TOLLIP: variants seen among roughly 807,000 people sequenced by gnomAD.
TOLLIP encodes the protein toll interacting protein.
TOLLIP carries 16 observed loss-of-function variants against 33.5 expected under a neutral mutation model. The observed-to-expected ratio is 0.48, with a 90% CI of 0.32 to 0.72. The LOEUF is 0.72. Ranked by LOEUF, TOLLIP falls within the 30% of genes least tolerant of loss-of-function variation. TOLLIP has a pLI of 0.03. For missense variants in TOLLIP, 325 were observed against 396.6 expected, an observed-to-expected ratio of 0.82 and a Z score of 1.53; for synonymous variants, 176 against 163.7, an observed-to-expected ratio of 1.07 and a Z score of -0.57.
chr11:1,288,621 C>T lies in TOLLIP; in HGVS notation c.519+3G>A. 2.5e-6 allele frequency: 4 copies of T among 1,609,588 alleles called. No individual in the cohort carries two copies. The highest frequency in any genetic ancestry group is 1.3e-5 in the African/African-American group (1 of 75,012). On this transcript the variant is annotated splice_donor_region_variant and intron_variant, in intron 4 of 5. Transcript: ENST00000317204. ...CCCCACCCCGCCCAGGCGTGCAGCT[C>T]ACCGCGTAGGACATGACGAGGTTGA...
At position 1,277,204 on chromosome 11, in the gene TOLLIP, C is replaced by T. The variant is rs150577484; in HGVS notation, c.660G>A (p.Pro220=). 5.4e-4 allele frequency: 857 copies of T among 1,596,476 alleles called. 7 individuals are homozygous for T. The African/African-American group carries it at 7.9e-3, about 15-fold the overall frequency. ...AGCGGGGCTGGGCGTTCACGGCGGC[C>T]GGGGGCAGGGCCACGGGCACCATGC... The part of the protein sequence containing the change: ...SPGMVPVALP[P]AAVNAQPRCS... Residue 220 remains proline, a synonymous_variant, in exon 6 of 6, where the codon CCG becomes CCA. Coordinates refer to ENST00000317204, the MANE Select transcript of TOLLIP (RefSeq NM_019009.4). This position sits in a 1 kb window ranked among gnomAD's most constrained non-coding sequence, Gnocchi z 4.2.
chr11:1,293,808 G>C (rs1201023691), intron 2 of TOLLIP, among the ~76,000 whole-genome samples: 1 of 152,258 alleles, frequency 6.6e-6, no homozygotes, highest in Non-Finnish European at 1.5e-5. Context: ...GCTGAGGACG[G>C]GTGATGGCAC....
rs1863335691 is a variant in TOLLIP, at chr11:1,277,139, G to A, written c.725C>T (p.Pro242Leu). ...EDLKAIQDMF[P>L]NMDQEVIRSV... is the part of the protein sequence containing the mutation. ...GCGGATCACCTCCTGGTCCATGTTG[G>A]GGAACATGTCCTGGATGGCTTTCAG... The change falls in exon 6 of 6, where the codon CCC becomes CTC. Residue 242 changes from proline (P) to leucine (L), a missense_variant. Pro to Leu is a moderately conservative substitution (Grantham distance 98). Coordinates refer to ENST00000317204, the MANE Select transcript of TOLLIP (RefSeq NM_019009.4). The surrounding 1 kb of genome is among the most constrained non-coding windows in gnomAD (Gnocchi z 4.2). 4.3e-6 allele frequency: 7 copies of A among 1,614,038 alleles called. No individual in the cohort carries two copies. In the East Asian group the frequency reaches 1.6e-4, roughly 36 times the overall value.
chr11:1,288,826 C>T lies in TOLLIP; in HGVS notation c.367-50G>A, dbSNP rs1057466659. The stretch of plus-strand genomic sequence containing the variant: ...CCCAGGCATCAGGGAAGGGGCCACC[C>T]TGCCCCTGCAGCCGCACCATCGTGG... On this transcript the variant is annotated intron_variant, in intron 3 of 5. Transcript: ENST00000317204. The T allele has an allele frequency of 5.1e-6, 8 of 1,583,184 alleles. No homozygotes were observed. The African/African-American group carries it at 8.1e-5, about 16-fold the overall frequency.
intron 1 of TOLLIP, among the ~76,000 whole-genome samples, chr11:1,300,409 C>A (rs1322842301): frequency 6.6e-6 from 1 of 152,208 alleles, no homozygotes. Context: ...ACATTCACTT[C>A]TATTTAAAAC....
intron 5 of TOLLIP, among the ~76,000 whole-genome samples, chr11:1,280,451 G>C (rs1272122144): frequency 1.8e-4 from 28 of 152,146 alleles, no homozygotes; most frequent in Admixed American, 1.8e-3. Context: ...AACCAGTGGG[G>C]GTTGTGCCCA....
chr11:1,277,203 C>A lies in TOLLIP; in HGVS notation c.661G>T (p.Ala221Ser), dbSNP rs992126576. Residue 221 changes from alanine (A) to serine (S), a missense_variant, in exon 6 of 6, where the codon GCC (alanine) becomes TCC (serine). By Grantham distance (99) the Ala-to-Ser change is moderately conservative (BLOSUM62 1). Coordinates refer to ENST00000317204, the MANE Select transcript of TOLLIP (RefSeq NM_019009.4). The surrounding 1 kb of genome is among the most constrained non-coding windows in gnomAD (Gnocchi z 4.2). ...CAGCGGGGCTGGGCGTTCACGGCGG[C>A]CGGGGGCAGGGCCACGGGCACCATG... ...PGMVPVALPP[A>S]AVNAQPRCSE... The A allele has an allele frequency of 2.5e-6, 4 of 1,596,908 alleles. No individual in the cohort carries two copies. Among genetic ancestry groups the A allele is most frequent in the Admixed American group, 1.7e-5 (1 of 59,202 alleles).
In TOLLIP at chr11:1,290,748, AGAG is replaced by A. The variant is rs1264236856; in HGVS notation, c.184-342_184-340del. The stretch of plus-strand genomic sequence containing the variant: ...TCCTCAGAAGTGGCTGAGGAGGGAA[AGAG>A]GAGGAGGTCCCGGGACAGAGCTGAG... On this transcript the variant is annotated intron_variant, in intron 2 of 5. Coordinates refer to ENST00000317204, the MANE Select transcript of TOLLIP (RefSeq NM_019009.4). The surrounding 1 kb of genome is among the most constrained non-coding windows in gnomAD (Gnocchi z 4.9). 1.3e-5 allele frequency among the ~76,000 whole-genome samples: 2 copies of A among 152,264 alleles called. No individual in the cohort carries two copies. The highest frequency in any genetic ancestry group is 1.9e-4 in the East Asian group (1 of 5,174).
chr11:1,308,004 T>A (rs1469104256), intron 1 of TOLLIP, among the ~76,000 whole-genome samples: 1 of 152,200 alleles, frequency 6.6e-6, no homozygotes, highest in Non-Finnish European at 1.5e-5. Flanking sequence ...CGTCCAGTAC[T>A]GGGCTGCGCG....
rs1196103359 is a variant in TOLLIP at position 1,290,525 on chromosome 11, A to G, written c.184-116T>C. 4.3e-6 allele frequency: 4 copies of G among 926,226 alleles called. No homozygotes were observed. The Admixed American group carries it at 9.9e-5, about 23-fold the overall frequency. The allele number at this position is 926,226 out of a possible 1,614,324, so 57.4% of individuals were successfully genotyped here. Reference sequence around the variant, plus strand: ...GAGGCCTTTTCCTAACACATAGACTACAGCCACTCAGAGTCGCCTGAACAC... The same window carrying G: ...GAGGCCTTTTCCTAACACATAGACTGCAGCCACTCAGAGTCGCCTGAACAC... On this transcript the variant is annotated intron_variant, in intron 2 of 5. Coordinates refer to ENST00000317204, the MANE Select transcript of TOLLIP (RefSeq NM_019009.4). This position sits in a 1 kb window ranked among gnomAD's most constrained non-coding sequence, Gnocchi z 4.9.
chr11:1,291,491 C>G lies in TOLLIP; in HGVS notation c.184-1082G>C, dbSNP rs570347021. ...AACGGCCAACCTGTCCACACCAACCCCCCTCTGAGAGTACTGCCACCCTGT... is the reference window on the plus strand; with the variant it reads ...AACGGCCAACCTGTCCACACCAACCGCCCTCTGAGAGTACTGCCACCCTGT... On this transcript the variant is annotated intron_variant, in intron 2 of 5. Transcript: ENST00000317204. Among the ~76,000 whole-genome samples, 374 of 151,674 alleles carry G rather than the reference C, an allele frequency of 2.5e-3. 2 individuals carry two copies. Among genetic ancestry groups the G allele is most frequent in the Non-Finnish European group, 4.1e-3 (278 of 67,816 alleles).
intron 2 of TOLLIP, chr11:1,292,268 CAGG>C (rs1863976239): frequency 6.6e-6 from 1 of 152,230 alleles, no homozygotes; most frequent in Admixed American, 6.5e-5. Flanking sequence ...GAGTATGTAG[CAGG>C]AAAGTCTGAG....
In TOLLIP at chr11:1,281,468, C is replaced by T. The variant is rs190190620; in HGVS notation, c.611-4215G>A. Among the ~76,000 whole-genome samples, 335 of 152,320 alleles carry T rather than the reference C, an allele frequency of 2.2e-3. 5 individuals are homozygous for T. Among genetic ancestry groups the T allele is most frequent in the African/African-American group, 7.6e-3 (318 of 41,574 alleles). The stretch of plus-strand genomic sequence containing the variant: ...TCTCCATAGAGGTGGCAGCTGGGCT[C>T]AGACACCACGGGAGGCTCTCGGGGC... On this transcript the variant is annotated intron_variant, in intron 5 of 5. Coordinates refer to ENST00000317204, the MANE Select transcript of TOLLIP (RefSeq NM_019009.4).
rs1159512667 is a variant in TOLLIP, at chr11:1,290,212, G to T, written c.366+15C>A. On this transcript the variant is annotated intron_variant, in intron 3 of 5. Coordinates refer to ENST00000317204, the MANE Select transcript of TOLLIP (RefSeq NM_019009.4). The surrounding 1 kb of genome is among the most constrained non-coding windows in gnomAD (Gnocchi z 4.9). ...CCACGTGCAGCCTCCATAATAGCTG[G>T]CACGTCCCTCTCACCTCATCGAAGA... is the stretch of plus-strand genomic sequence containing the variant. 6.2e-7 allele frequency: 1 copy of T among 1,609,808 alleles called. No homozygotes were observed. The highest frequency in any genetic ancestry group is 1.1e-5 in the South Asian group (1 of 90,992).
chr11:1,295,670 C>T lies in TOLLIP; in HGVS notation c.158G>A (p.Gly53Asp). ...CTGTACCACCGTGATGTTCAGTCGG[C>T]CCACGGTGCCCACTGCGCCTCCGTA... Reference protein sequence around the residue: ...LQYGGAVGTVGRLNITVVQAK... With the variant: ...LQYGGAVGTVDRLNITVVQAK... Residue 53 changes from glycine to aspartate, a missense_variant, in exon 2 of 6, where the codon GGC (glycine) becomes GAC (aspartate). Coordinates refer to ENST00000317204, the MANE Select transcript of TOLLIP (RefSeq NM_019009.4). 1 of 1,598,358 alleles carries T rather than the reference C, an allele frequency of 6.3e-7. No individual in the cohort carries two copies. The highest frequency in any genetic ancestry group is 8.6e-7 in the Non-Finnish European group (1 of 1,169,576).
In TOLLIP at chr11:1,276,730, G is replaced by A; in HGVS notation, c.*309C>T. The A allele has an allele frequency of 6.9e-7, 1 of 1,453,068 alleles. No homozygotes were observed. Among genetic ancestry groups the A allele is most frequent in the Non-Finnish European group, 9.1e-7 (1 of 1,093,766 alleles). The allele number at this position is 1,453,068 out of a possible 1,614,324, so 90.0% of individuals were successfully genotyped here. On this transcript the variant is annotated 3_prime_UTR_variant, in exon 6 of 6. Coordinates refer to ENST00000317204, the MANE Select transcript of TOLLIP (RefSeq NM_019009.4). ...CACCTCCAACACCCTGGCAGAAGCA[G>A]CTGCTCTCTACAGCAAGAGCATTTT...
Position 1,295,818 on chromosome 11 carries a change from G to C in TOLLIP, c.34-24C>G, listed in dbSNP as rs373439059. 460 of 1,534,028 alleles carry C rather than the reference G, an allele frequency of 3.0e-4. No individual in the cohort carries two copies. In the African/African-American group the frequency reaches 5.7e-3, roughly 19 times the overall value. ...ACCTGCGGGGCCGGGGACCAGAGAG[G>C]CCAGTGAGTCAGGGTGGGGGCACAA... On this transcript the variant is annotated intron_variant, in intron 1 of 5. Transcript: ENST00000317204.
intron 1 of TOLLIP, among the ~76,000 whole-genome samples, chr11:1,301,564 C>T (rs564228563): frequency 2.0e-5 from 3 of 152,270 alleles, no homozygotes; most frequent in Non-Finnish European, 2.9e-5. Context: ...ACACGGCCGC[C>T]AAACCCCAGA....
chr11:1,282,678 TTAAATGACGAG>T (rs1256703874), intron 5 of TOLLIP, among the ~76,000 whole-genome samples: 5 of 148,430 alleles, frequency 3.4e-5, no homozygotes, highest in Non-Finnish European at 1.5e-5. Context: ...ATACCTAATG[TTAAATGACGAG>T]TCAATGGGTG....
Sources: gnomAD v4.1 joint callset for allele counts (sites outside exome capture counted in the v4.1 genomes callset) on GRCh38, gnomAD v4.1.1 for gene constraint, Gnocchi (gnomAD v3.1) non-coding constraint, MANE v1.5 for transcripts, NCBI Gene and HGNC (gene_info 2026-07-23, HGNC 2026-07-21) for gene names.